Variants in TRAPPC8 observed in about 807,000 individuals in gnomAD.
TRAPPC8 encodes the protein trafficking protein particle complex subunit 8, also known as general sporulation gene 1 homolog.
A neutral mutation model predicts 174.3 loss-of-function variants in TRAPPC8; 54 were observed. The ratio of observed to expected loss-of-function variants is 0.31; its 90% confidence interval spans 0.25 to 0.39. The LOEUF is 0.39. TRAPPC8 is among the 10% of genes least tolerant of loss of function. TRAPPC8 has a pLI of 1.00. For synonymous variants in TRAPPC8, 630 were observed against 579.9 expected, an observed-to-expected ratio of 1.09 and a Z score of -1.24; for missense variants, 1,531 against 1,699.1, an observed-to-expected ratio of 0.90 and a Z score of 1.74.
At chr18:31,923,670 GTA>G (rs926546935) in intron 2 of TRAPPC8, among the ~76,000 whole-genome samples, 2 of 151,092 alleles carry the variant, frequency 1.3e-5, no homozygotes, top group African/African-American at 4.9e-5. Context: ...GTACTTCATC[GTA>G]TCTCATTCTC....
chr18:31,864,523 T>A, intron 19 of TRAPPC8, 104 bp downstream of exon 19: 1 of 1,048,140 alleles, frequency 9.5e-7, no homozygotes, highest in Non-Finnish European at 1.4e-6. Flanking sequence ...TTTAAAAGTA[T>A]AGTTCAATGT....
At chr18:31,834,006 A>AAAAAAC (rs1458122029) in intron 27 of TRAPPC8, among the ~76,000 whole-genome samples, 43 of 151,122 alleles carry the variant, frequency 2.8e-4, no homozygotes, top group African/African-American at 1.0e-3. Context: ...CGTCTCAAAA[A>AAAAAAC]AAAAAAACAA....
chr18:31,917,635 T>C lies in TRAPPC8; in HGVS notation c.385A>G (p.Thr129Ala), dbSNP rs1315684339. ...TTPWFESYRETFLQSMPALDH... is the reference protein window; with the variant it reads ...TTPWFESYREAFLQSMPALDH... ...AATGCTGGCATCGACTGAAGAAAGG[T>C]TTCTCTGTAAGACTCAAACCATGGA... The change falls in exon 3 of 29, where the codon ACC becomes GCC. Residue 129 changes from threonine (T) to alanine (A), a missense_variant. Thr to Ala is a moderately conservative substitution (Grantham distance 58). Transcript: ENST00000283351. 8.7e-6 allele frequency: 14 copies of C among 1,613,306 alleles called. No individual in the cohort carries two copies. Among genetic ancestry groups the C allele is most frequent in the East Asian group, 2.2e-5 (1 of 44,808 alleles).
chr18:31,836,111 T>A (rs2032699984), intron 27 of TRAPPC8, among the ~76,000 whole-genome samples: 1 of 152,204 alleles, frequency 6.6e-6, no homozygotes, highest in African/African-American at 2.4e-5. Flanking sequence ...CAACAATGAC[T>A]AATAGAGATG....
At chr18:31,853,984 A>T in intron 21 of TRAPPC8, 39 bp from the exon 22 acceptor site, 1 of 1,473,000 alleles carries the variant, frequency 6.8e-7, no homozygotes, top group Non-Finnish European at 9.4e-7. Context: ...AGGATTTAGA[A>T]GCACTAAATC....
rs111488120 is a variant in TRAPPC8 at position 31,869,002 on chromosome 18, CT to C, written c.2388+1369del. ...TGGGTTATTTCCCAGTTCCAAAATC[CT>C]TTTTTTTTTTTTGCCACATTATTAA... On this transcript the variant is annotated intron_variant, in intron 16 of 28. Transcript: ENST00000283351. 8.9e-3 allele frequency among the ~76,000 whole-genome samples: 1,248 copies of C among 140,932 alleles called. 11 individuals carry two copies. The highest frequency in any genetic ancestry group is 0.019 in the African/African-American group (748 of 38,814). 92.5% of individuals were successfully genotyped at this position (140,932 alleles called of 152,430 possible). A position where few individuals can be genotyped will look rare whatever the true frequency, so the allele number is the denominator to read the frequency against.
In TRAPPC8 at chr18:31,893,026, G is replaced by GA. The variant is rs75962728; in HGVS notation, c.1597-2161dup. Among the ~76,000 whole-genome samples the GA allele has an allele frequency of 2.3e-3, 315 of 135,868 alleles. 1 individual carries two copies. Among genetic ancestry groups the GA allele is most frequent in the Non-Finnish European group, 3.2e-3 (196 of 61,718 alleles). The allele number at this position is 135,868 out of a possible 152,430, so 89.1% of individuals were successfully genotyped here. A position where few individuals can be genotyped will look rare whatever the true frequency, so the allele number is the denominator to read the frequency against. ...AATGACGCCTTGTCTCAAAAAAAGG[G>GA]AAAAAAAAAAAAAAACAACATCTTG... On this transcript the variant is annotated intron_variant, in intron 11 of 28. Coordinates refer to ENST00000283351, the MANE Select transcript of TRAPPC8 (RefSeq NM_014939.5).
At chr18:31,935,548 TAAAAA>T (rs10650702) in intron 1 of TRAPPC8, among the ~76,000 whole-genome samples, 6,799 of 46,368 alleles carry the variant, frequency 0.15, 585 homozygotes, top group Middle Eastern at 0.28. Context: ...AACTCCATCT[TAAAAA>T]AAAAAAAAAA....
At chr18:31,873,780 T>C (rs2035008432) in intron 13 of TRAPPC8, 1 of 363,480 alleles carries the variant, frequency 2.8e-6, no homozygotes, top group Non-Finnish European at 5.0e-6. Context: ...GGATGTTAAA[T>C]ATGCAAAACT....
rs147850355 is a variant in TRAPPC8, at chr18:31,839,437, T to C, written c.3858A>G (p.Leu1286=). The change falls in exon 27 of 29, where the codon CTA becomes CTG. Residue 1286 remains leucine, a synonymous_variant. Coordinates refer to ENST00000283351, the MANE Select transcript of TRAPPC8 (RefSeq NM_014939.5). ...TGTTTTCTGGCCTGAAAAATTTCAA[T>C]AGTTCCATTTCTGGTGGCTCCTGAG... is the stretch of plus-strand genomic sequence containing the variant. ...PQKQEPPEME[L]LKFFRPENIT... 1.9e-5 allele frequency: 31 copies of C among 1,600,458 alleles called. No individual in the cohort carries two copies. The highest frequency in any genetic ancestry group is 2.5e-5 in the Non-Finnish European group (29 of 1,175,774).
intron 20 of TRAPPC8, among the ~76,000 whole-genome samples, chr18:31,856,267 T>C (rs1013974540): frequency 2.6e-5 from 4 of 151,988 alleles, no homozygotes; most frequent in Non-Finnish European, 5.9e-5. Context: ...CACCACACCC[T>C]ATAATTTTTG....
chr18:31,833,542 C>T (rs535808580), intron 27 of TRAPPC8: 7 of 152,342 alleles, frequency 4.6e-5, no homozygotes, highest in African/African-American at 1.7e-4. Flanking sequence ...TCTCATGTCT[C>T]ATTTTACTGC....
chr18:31,875,486 C>T (rs1196691962), intron 12 of TRAPPC8, among the ~76,000 whole-genome samples: 1 of 152,084 alleles, frequency 6.6e-6, no homozygotes, highest in South Asian at 2.1e-4. Flanking sequence ...ATGCCTCACA[C>T]GGTTCAAATA....
chr18:31,906,587 A>G (rs910104226), intron 9 of TRAPPC8, among the ~76,000 whole-genome samples: 1 of 152,192 alleles, frequency 6.6e-6, no homozygotes, highest in African/African-American at 2.4e-5. Flanking sequence ...ATGTCTTTTA[A>G]AAGATTAAAT....
intron 2 of TRAPPC8, among the ~76,000 whole-genome samples, chr18:31,920,817 T>A (rs1379944920): frequency 6.6e-6 from 1 of 151,906 alleles, no homozygotes; most frequent in African/African-American, 2.4e-5. Flanking sequence ...GGCATCCACC[T>A]GTAATCCCAG....
At chr18:31,895,893 A>C (rs2036165880) in intron 11 of TRAPPC8, 1 of 152,216 alleles carries the variant, frequency 6.6e-6, no homozygotes, top group African/African-American at 2.4e-5. Flanking sequence ...ATCACTTCTG[A>C]ACCTAACTAG....
intron 11 of TRAPPC8, 117 bp downstream of exon 11, chr18:31,897,669 A>G: frequency 1.5e-6 from 1 of 684,852 alleles, no homozygotes; most frequent in Non-Finnish European, 2.2e-6. Flanking sequence ...TAAATTCCCA[A>G]AGACAGATTT....
intron 1 of TRAPPC8, among the ~76,000 whole-genome samples, chr18:31,933,020 A>AAAAAAAAG (rs1568153937): frequency 7.8e-5 from 10 of 128,870 alleles, no homozygotes; most frequent in African/African-American, 3.1e-4. Context: ...AAAAAAAAAA[A>AAAAAAAAG]GCCGGGCGCA....
At chr18:31,908,263 T>C in intron 8 of TRAPPC8, 40 bp downstream of exon 8, 1 of 1,329,748 alleles carries the variant, frequency 7.5e-7, no homozygotes, top group Non-Finnish European at 1.0e-6. Context: ...AGTCAGAGAG[T>C]TAAACAGAGG....
Sources: gnomAD v4.1 joint callset for allele counts (sites outside exome capture counted in the v4.1 genomes callset) on GRCh38, gnomAD v4.1.1 for gene constraint, MANE v1.5 for transcripts, NCBI Gene and HGNC (gene_info 2026-07-23, HGNC 2026-07-21) for gene names.